NRG3: variants seen among roughly 807,000 people sequenced by gnomAD.
NRG3 encodes the protein pro-neuregulin-3, membrane-bound isoform.
NRG3 carries 31 observed loss-of-function variants against 66.9 expected under a neutral mutation model. That is an observed-to-expected ratio of 0.46 (90% CI 0.35 to 0.63). NRG3 has a LOEUF of 0.63. Among genes scored for constraint, NRG3 ranks in the 20% least tolerant of loss-of-function variants. The pLI is 0.00. For synonymous variants in NRG3, 393 were observed against 359.4 expected, an observed-to-expected ratio of 1.09 and a Z score of -1.06; for missense variants, 910 against 878.9, an observed-to-expected ratio of 1.04 and a Z score of -0.45.
At position 82,958,962 on chromosome 10, in the gene NRG3, C is replaced by G. The variant is rs143338524; in HGVS notation, c.1171C>G (p.Gln391Glu). 9.1e-4 allele frequency: 1,446 copies of G among 1,593,088 alleles called. 17 individuals are homozygous for G. In the African/African-American group the frequency reaches 0.017, roughly 19 times the overall value. The change falls in exon 6 of 9, where the codon CAA becomes GAA. Residue 391 changes from glutamine to glutamate, a missense_variant. Gln to Glu is a conservative substitution (Grantham distance 29, BLOSUM62 2). Transcript: ENST00000372141. ...TTATGCCTGCAGGAAACAAGCTAAA[C>G]AAATCCAAGAGCAGCTGAAAGTGCC... ...FYFKSKKQAK[Q>E]IQEQLKVPQN...
At chr10:82,802,347 A>C (rs957549426) in intron 3 of NRG3, among the ~76,000 whole-genome samples, 5 of 152,186 alleles carry the variant, frequency 3.3e-5, no homozygotes, top group Admixed American at 6.5e-5. Flanking sequence ...AGGGTTTGAA[A>C]TATTTCAAAC....
chr10:82,067,227 A>G (rs1464212942), intron 1 of NRG3, among the ~76,000 whole-genome samples: 2 of 152,214 alleles, frequency 1.3e-5, no homozygotes, highest in East Asian at 3.8e-4. Context: ...GAAGTCATCA[A>G]CTATTGTAAT....
chr10:82,963,838 G>T (rs1468780035), intron 6 of NRG3, among the ~76,000 whole-genome samples: 1 of 152,112 alleles, frequency 6.6e-6, no homozygotes, highest in Admixed American at 6.6e-5. Flanking sequence ...TGGTGGGGGT[G>T]AGTGACTACA....
At chr10:82,521,490 G>A (rs1314629520) in intron 2 of NRG3, among the ~76,000 whole-genome samples, 4 of 151,952 alleles carry the variant, frequency 2.6e-5, no homozygotes, top group East Asian at 1.9e-4. Flanking sequence ...ACACGCGCCC[G>A]CCACCACGCC....
intron 1 of NRG3, among the ~76,000 whole-genome samples, chr10:81,965,065 A>G (rs2059680656): frequency 6.6e-6 from 1 of 152,224 alleles, no homozygotes; most frequent in Admixed American, 6.5e-5. Context: ...GCATTAGAAC[A>G]TTACAAATAC....
intron 1 of NRG3, among the ~76,000 whole-genome samples, chr10:82,029,785 C>T (rs1292912852): frequency 1.3e-5 from 2 of 152,004 alleles, no homozygotes; most frequent in Non-Finnish European, 2.9e-5. Context: ...CCTAAACTCA[C>T]CAGAATGATT....
intron 2 of NRG3, among the ~76,000 whole-genome samples, chr10:82,565,578 A>T: frequency 6.6e-6 from 1 of 151,860 alleles, no homozygotes; most frequent in East Asian, 1.9e-4. Flanking sequence ...GACACCTAAC[A>T]GTCTCCTTGT....
chr10:82,157,399 T>A (rs1404687113), intron 1 of NRG3, among the ~76,000 whole-genome samples: 3 of 151,770 alleles, frequency 2.0e-5, no homozygotes, highest in Admixed American at 6.6e-5. Context: ...AAGGAATCGG[T>A]TGCTGTCTTG....
intron 2 of NRG3, among the ~76,000 whole-genome samples, chr10:82,619,888 G>T (rs1483033537): frequency 6.6e-6 from 1 of 152,186 alleles, no homozygotes; most frequent in Non-Finnish European, 1.5e-5. Context: ...AGGAATGCAA[G>T]TAAATAAATT....
chr10:82,658,562 A>G (rs1474837344), intron 2 of NRG3, among the ~76,000 whole-genome samples: 2 of 51,134 alleles, frequency 3.9e-5, no homozygotes, highest in Non-Finnish European at 6.3e-5. Flanking sequence ...AAAAAGCCAG[A>G]AAAAAAAAAG....
intron 2 of NRG3, among the ~76,000 whole-genome samples, chr10:82,637,005 T>A (rs1398479556): frequency 1.3e-5 from 2 of 152,122 alleles, no homozygotes; most frequent in African/African-American, 4.8e-5. Flanking sequence ...ACATGAAGAC[T>A]ATAGTTAATT....
chr10:82,719,566 C>G (rs532175131), intron 2 of NRG3, among the ~76,000 whole-genome samples: 2 of 152,290 alleles, frequency 1.3e-5, no homozygotes, highest in South Asian at 2.1e-4. Context: ...TGTGAAGGCT[C>G]TCTATCTTTC....
At chr10:82,949,891 A>G (rs1849367027) in intron 4 of NRG3, among the ~76,000 whole-genome samples, 1 of 151,940 alleles carries the variant, frequency 6.6e-6, no homozygotes, top group Non-Finnish European at 1.5e-5. Flanking sequence ...AACCAAAAAG[A>G]TCCTGATTTA....
chr10:82,622,359 C>T (rs184485000), intron 2 of NRG3, among the ~76,000 whole-genome samples: 67 of 151,974 alleles, frequency 4.4e-4, no homozygotes, highest in Non-Finnish European at 6.5e-4. Flanking sequence ...GTGGGAAAGA[C>T]GCAAAGATAA....
intron 2 of NRG3, among the ~76,000 whole-genome samples, chr10:82,737,964 T>G (rs1211052712): frequency 1.3e-5 from 2 of 151,342 alleles, no homozygotes; most frequent in Non-Finnish European, 2.9e-5. Context: ...AAGAGAAAAA[T>G]AGAGAGAGAA....
rs188001106 is a variant in NRG3, at chr10:82,417,400, G to A, written c.953+58532G>A. The stretch of plus-strand genomic sequence containing the variant: ...TCCAGGGGAATTATGTATGAAGAAG[G>A]AGCATAGTGAAACTTAGGCCCTGCA... On this transcript the variant is annotated intron_variant, in intron 2 of 8. Transcript: ENST00000372141. Among the ~76,000 whole-genome samples, 4 of 152,266 alleles carry A rather than the reference G, an allele frequency of 2.6e-5. No individual in the cohort carries two copies. In the East Asian group the frequency reaches 7.7e-4, roughly 29 times the overall value.
chr10:81,918,974 AAC>A (rs542060517), intron 1 of NRG3, among the ~76,000 whole-genome samples: 63 of 149,986 alleles, frequency 4.2e-4, no homozygotes, highest in South Asian at 1.0e-3. Flanking sequence ...ATCATAACAA[AAC>A]ACACACACAC....
intron 1 of NRG3, among the ~76,000 whole-genome samples, chr10:81,882,401 ATGTG>A (rs143311321): frequency 6.6e-6 from 1 of 151,756 alleles, no homozygotes; most frequent in African/African-American, 2.4e-5. Flanking sequence ...TAACAAATAT[ATGTG>A]TGTGTGTGTG....
chr10:82,238,303 G>A (rs1438974031), intron 1 of NRG3, among the ~76,000 whole-genome samples: 2 of 151,794 alleles, frequency 1.3e-5, no homozygotes, highest in African/African-American at 4.8e-5. Flanking sequence ...AAATATAAAT[G>A]CCTGTTCTAA....
Sources: allele counts gnomAD v4.1 joint callset (sites outside exome capture counted in the v4.1 genomes callset), GRCh38; gene constraint gnomAD v4.1.1; transcripts MANE v1.5; gene names NCBI Gene and HGNC (gene_info 2026-07-23, HGNC 2026-07-21).